Variants in TRIQK observed in about 807,000 individuals in gnomAD.
TRIQK encodes the protein triple QxxK/R motif-containing protein.
Under a neutral mutation model 10.8 loss-of-function variants are expected in TRIQK, and 10 were observed. The ratio of observed to expected loss-of-function variants is 0.92; its 90% confidence interval spans 0.57 to 1.57. TRIQK has a LOEUF of 1.57. Among genes scored for constraint, TRIQK ranks in the 40% most tolerant of loss-of-function variants. TRIQK has a pLI of 0.00. For missense variants in TRIQK, 107 were observed against 97.7 expected, an observed-to-expected ratio of 1.09 and a Z score of -0.40; for synonymous variants, 33 against 33.7, an observed-to-expected ratio of 0.98 and a Z score of 0.07.
chr8:92,965,618 G>C (rs1454624031), intron 1 of TRIQK: 1 of 152,356 alleles, frequency 6.6e-6, no homozygotes, highest in Non-Finnish European at 1.5e-5. Context: ...CCGCGTGGAA[G>C]ACCTTGGGAG....
Position 92,996,753 on chromosome 8 carries a change from G to A in TRIQK, c.-181+20856C>T, listed in dbSNP as rs1444924625. Among the ~76,000 whole-genome samples the A allele has an allele frequency of 3.9e-5, 6 of 152,098 alleles. No individual in the cohort carries two copies. In the East Asian group the frequency reaches 9.6e-4, roughly 24 times the overall value. ...TTATTACTAAAGGATTAGAGCTTGG[G>A]TAGACTGCTCTTCTTTTGGGAAGTT... On this transcript the variant is annotated intron_variant, in intron 1 of 4. Coordinates refer to the TRIQK transcript ENST00000520686.
rs568204754 is a variant in TRIQK at position 93,013,457 on chromosome 8, G to A, written c.-181+4152C>T. On this transcript the variant is annotated intron_variant, in intron 1 of 4. Coordinates refer to the TRIQK transcript ENST00000520686. Reference sequence around the variant, plus strand: ...AAATGCTAGTGGGAAGAAGGACAATGCAGAAGAGAGGTTGGGAGGGAGGAA... The same window carrying A: ...AAATGCTAGTGGGAAGAAGGACAATACAGAAGAGAGGTTGGGAGGGAGGAA... Among the ~76,000 whole-genome samples, 12 of 152,258 alleles carry A rather than the reference G, an allele frequency of 7.9e-5. No individual in the cohort carries two copies. The East Asian group carries it at 1.7e-3, about 22-fold the overall frequency.
chr8:92,959,838 CG>C (rs1812363794), intron 1 of TRIQK, among the ~76,000 whole-genome samples: 1 of 152,010 alleles, frequency 6.6e-6, no homozygotes, highest in African/African-American at 2.4e-5. Context: ...GGACTGTATA[CG>C]TAAGAGTGGT....
chr8:93,015,672 T>G (rs1430414152), intron 1 of TRIQK, among the ~76,000 whole-genome samples: 1 of 152,074 alleles, frequency 6.6e-6, no homozygotes, highest in Admixed American at 6.6e-5. Flanking sequence ...GAATGAAAAT[T>G]TATTGCTCAT....
chr8:92,952,561 A>T (rs556810162), intron 2 of TRIQK, among the ~76,000 whole-genome samples: 2 of 152,000 alleles, frequency 1.3e-5, no homozygotes, highest in Non-Finnish European at 2.9e-5. Flanking sequence ...AACAATAATG[A>T]CTGAGAATAA....
At chr8:92,930,607 G>A (rs1169107415) in intron 2 of TRIQK, among the ~76,000 whole-genome samples, 1 of 152,020 alleles carries the variant, frequency 6.6e-6, no homozygotes, top group Non-Finnish European at 1.5e-5. Flanking sequence ...AAAGGAATGA[G>A]AAGAAGCAAG....
chr8:92,969,334 T>C (rs1338203943), upstream of TRIQK, among the ~76,000 whole-genome samples: 1 of 152,172 alleles, frequency 6.6e-6, no homozygotes, highest in Non-Finnish European at 1.5e-5. Context: ...TTGAGAGTTG[T>C]CTAATATCTT....
At chr8:93,012,049 G>A (rs867526203) in intron 1 of TRIQK, among the ~76,000 whole-genome samples, 6 of 152,054 alleles carry the variant, frequency 3.9e-5, no homozygotes, top group Non-Finnish European at 5.9e-5. Context: ...AAGCAGATAC[G>A]TACTCAGAAG....
chr8:93,000,267 G>A (rs1450052787), intron 1 of TRIQK, among the ~76,000 whole-genome samples: 1 of 152,118 alleles, frequency 6.6e-6, no homozygotes, highest in Non-Finnish European at 1.5e-5. Flanking sequence ...ATACTGCTGT[G>A]AAGAAGTACC....
intron 1 of TRIQK, among the ~76,000 whole-genome samples, chr8:93,016,053 T>C (rs1434749122): frequency 6.6e-6 from 1 of 152,208 alleles, no homozygotes; most frequent in African/African-American, 2.4e-5. Context: ...CCTAATTCTT[T>C]ACTAATTCTT....
chr8:92,983,723 T>A (rs528640630), intron 1 of TRIQK, among the ~76,000 whole-genome samples: 85 of 152,210 alleles, frequency 5.6e-4, no homozygotes, highest in African/African-American at 2.0e-3. Context: ...AAGAAATTGG[T>A]AAACACATAG....
Position 92,916,970 on chromosome 8 carries a change from GC to G in TRIQK, c.19del (p.Ala7LeufsTer3). 6.6e-7 allele frequency: 1 copy of G among 1,510,166 alleles called. No individual in the cohort carries two copies. The highest frequency in any genetic ancestry group is 2.1e-5 in the Admixed American group (1 of 47,000). 93.5% of individuals were successfully genotyped at this position (1,510,166 alleles called of 1,614,324 possible). MGRKDAATIKLPVDQYR... is the reference protein window; with the variant it reads MGRKDAXTIKLPVDQYR... ...CTGATCAACAGGAAGTTTTATAGTA[GC>G]AGCATCTTTTCTACCCATCTTTGAT... On this transcript the variant is annotated frameshift_variant, in exon 3 of 5. Transcript: ENST00000521988. LOFTEE classifies it high-confidence loss of function.
chr8:92,980,747 C>T (rs62520826), intron 1 of TRIQK, among the ~76,000 whole-genome samples: 15,452 of 151,760 alleles, frequency 0.1, 1,865 homozygotes, highest in African/African-American at 0.29. Flanking sequence ...CTCAGTTCCA[C>T]TGTCAATTTT....
At chr8:92,905,460 T>C (rs1389793393) in intron 3 of TRIQK, among the ~76,000 whole-genome samples, 1 of 152,220 alleles carries the variant, frequency 6.6e-6, no homozygotes, top group African/African-American at 2.4e-5. Context: ...AATATTGTGG[T>C]AATCCCTCGG....
chr8:92,972,615 T>A (rs1235636911), intron 1 of TRIQK: 1 of 152,310 alleles, frequency 6.6e-6, no homozygotes, highest in Admixed American at 6.5e-5. Flanking sequence ...CATGTCCCCA[T>A]CCAGGAGGGT....
At chr8:92,924,616 T>G (rs1300549256) in intron 2 of TRIQK, among the ~76,000 whole-genome samples, 1 of 151,982 alleles carries the variant, frequency 6.6e-6, no homozygotes, top group Non-Finnish European at 1.5e-5. Context: ...TATTCAGAGA[T>G]AGTTCTCCAC....
chr8:92,885,538 T>C lies in TRIQK; in HGVS notation c.*1084A>G, dbSNP rs1816435234. On this transcript the variant is annotated 3_prime_UTR_variant, in exon 5 of 5. Coordinates refer to ENST00000521988, the MANE Select transcript of TRIQK (RefSeq NM_001171797.2). ...AGCATTGTAAAAACATATTTAAAAA[T>C]TGAATTACCAGTAAAAATATTGAAT... The C allele has an allele frequency of 6.6e-6, 1 of 152,048 alleles. No homozygotes were observed. Among genetic ancestry groups the C allele is most frequent in the Non-Finnish European group, 1.5e-5 (1 of 68,098 alleles). 9.4% of individuals were successfully genotyped at this position (152,048 alleles called of 1,614,324 possible). A position where few individuals can be genotyped will look rare whatever the true frequency, so the allele number is the denominator to read the frequency against.
rs80051316 is a variant in TRIQK at position 92,949,782 on chromosome 8, A to AAAAGAAAGAAAG, written c.-22+4612_-22+4623dup. 2.3e-3 allele frequency among the ~76,000 whole-genome samples: 164 copies of AAAAGAAAGAAAG among 72,038 alleles called. 3 individuals are homozygous for AAAAGAAAGAAAG. The highest frequency in any genetic ancestry group is 2.7e-3 in the Non-Finnish European group (111 of 40,390). 47.3% of individuals were successfully genotyped at this position (72,038 alleles called of 152,430 possible). A position where few individuals can be genotyped will look rare whatever the true frequency, so the allele number is the denominator to read the frequency against. On this transcript the variant is annotated intron_variant, in intron 2 of 4. Transcript: ENST00000521988. ...GGAAAGAAAGAGAAGGAAAGAAAGA[A>AAAAGAAAGAAAG]AAAGAAAGAAAGAAAGAAAGAAAGA...
intron 2 of TRIQK, among the ~76,000 whole-genome samples, chr8:92,930,260 C>A (rs1810644819): frequency 1.3e-5 from 2 of 150,438 alleles, no homozygotes; most frequent in Admixed American, 6.6e-5. Flanking sequence ...CTTGGTGGTG[C>A]ATGCTTGTAA....
Sources: gnomAD v4.1 joint callset for allele counts (sites outside exome capture counted in the v4.1 genomes callset) on GRCh38, gnomAD v4.1.1 for gene constraint, MANE v1.5 for transcripts, NCBI Gene and HGNC (gene_info 2026-07-23, HGNC 2026-07-21) for gene names.